CNTNAP2: variants seen among roughly 807,000 people sequenced by gnomAD.
CNTNAP2 encodes the protein contactin-associated protein-like 2.
A neutral mutation model predicts 155.2 loss-of-function variants in CNTNAP2; 98 were observed. The observed-to-expected ratio is 0.63, with a 90% confidence interval of 0.54 to 0.75. CNTNAP2 has a LOEUF of 0.75. Among genes scored for constraint, CNTNAP2 ranks in the 30% least tolerant of loss-of-function variants. The probability of loss-of-function intolerance (pLI) is 0.00; values close to 1 mark genes in which losing one functional copy is unlikely to be tolerated. For synonymous variants in CNTNAP2, 651 were observed against 631.2 expected (o/e 1.03, Z -0.47); for missense variants, 1,727 against 1,688.1 (o/e 1.02, Z -0.40).
At chr7:148,198,035 G>A (rs1031464081) in intron 18 of CNTNAP2, among the ~76,000 whole-genome samples, 9 of 152,134 alleles carry the variant, frequency 5.9e-5, no homozygotes, top group African/African-American at 2.2e-4. Context: ...TTCCCTGCGC[G>A]AATCTCAACA....
intron 15 of CNTNAP2, among the ~76,000 whole-genome samples, chr7:148,110,719 G>A (rs1399265983): frequency 2.0e-5 from 3 of 152,142 alleles, no homozygotes; most frequent in Admixed American, 6.6e-5. Context: ...ATGGCGGAAC[G>A]TCTATGTGAG....
chr7:146,275,553 A>G (rs1800150399), intron 1 of CNTNAP2, among the ~76,000 whole-genome samples: 1 of 152,210 alleles, frequency 6.6e-6, no homozygotes, highest in African/African-American at 2.4e-5. Flanking sequence ...AAAGCTGAAG[A>G]TCAAAGTAAA....
intron 11 of CNTNAP2, among the ~76,000 whole-genome samples, chr7:147,520,617 T>TTG (rs1051720210): frequency 1.3e-5 from 2 of 152,154 alleles, no homozygotes; most frequent in African/African-American, 4.8e-5. Context: ...AGGTCTGCAT[T>TTG]TGGTGTCTGT....
chr7:147,863,776 TG>T (rs918591869), intron 13 of CNTNAP2, among the ~76,000 whole-genome samples: 7 of 151,512 alleles, frequency 4.6e-5, no homozygotes, highest in African/African-American at 1.5e-4. Flanking sequence ...TTGATGGGGT[TG>T]TTTTTTTTCT....
At chr7:146,584,072 G>T (rs1342917261) in intron 1 of CNTNAP2, among the ~76,000 whole-genome samples, 1 of 152,052 alleles carries the variant, frequency 6.6e-6, no homozygotes, top group South Asian at 2.1e-4. Flanking sequence ...ATTTCTTCAA[G>T]ACAAAATATT....
At chr7:146,419,673 A>G (rs1442705740) in intron 1 of CNTNAP2, among the ~76,000 whole-genome samples, 1 of 152,162 alleles carries the variant, frequency 6.6e-6, no homozygotes, top group East Asian at 1.9e-4. Context: ...GGTGCTTAAC[A>G]ACATTCTTCA....
intron 1 of CNTNAP2, chr7:146,311,623 A>C (rs191544107): frequency 6.7e-6 from 1 of 149,686 alleles, no homozygotes; most frequent in African/African-American, 2.4e-5. Flanking sequence ...AAAAAAAAAA[A>C]AAAAAGAAAG....
At chr7:147,117,092 T>C (rs1284870665) in intron 5 of CNTNAP2, among the ~76,000 whole-genome samples, 3 of 152,160 alleles carry the variant, frequency 2.0e-5, no homozygotes, top group African/African-American at 7.2e-5. Flanking sequence ...CACAGAACAA[T>C]GCCATTCGGC....
chr7:146,288,077 G>A lies in CNTNAP2; in HGVS notation c.97+171104G>A, dbSNP rs535975269. ...CACCCATAATTCCAGGATTTTGGGA[G>A]GCCTAGGTGGAGGATTGCTTAAGAC... is the stretch of plus-strand genomic sequence containing the variant. On this transcript the variant is annotated intron_variant, in intron 1 of 23. Transcript: ENST00000361727. Among the ~76,000 whole-genome samples, 307 of 152,044 alleles carry A rather than the reference G, an allele frequency of 2.0e-3. 2 individuals are homozygous for A. Among genetic ancestry groups the A allele is most frequent in the African/African-American group, 6.9e-3 (288 of 41,514 alleles).
Position 147,852,035 on chromosome 7 carries a change from A to G in CNTNAP2, c.2099-51530A>G, listed in dbSNP as rs866657613. On this transcript the variant is annotated intron_variant, in intron 13 of 23. Coordinates refer to ENST00000361727, the MANE Select transcript of CNTNAP2 (RefSeq NM_014141.6). ...CTACTTATCCTGGGTCCCAAAATAT[A>G]GTTGCTTGAAAAAGTCTATATTGCG... Among the ~76,000 whole-genome samples, 3 of 152,260 alleles carry G rather than the reference A, an allele frequency of 2.0e-5. No individual in the cohort carries two copies. The South Asian group carries it at 6.2e-4, about 32-fold the overall frequency.
intron 15 of CNTNAP2, among the ~76,000 whole-genome samples, chr7:148,052,491 T>G (rs1346808059): frequency 2.0e-5 from 3 of 151,880 alleles, no homozygotes; most frequent in African/African-American, 7.3e-5. Flanking sequence ...AAGCAGAAAA[T>G]GGTGAGGCAT....
At chr7:148,042,869 C>T (rs1802704759) in intron 15 of CNTNAP2, among the ~76,000 whole-genome samples, 1 of 152,172 alleles carries the variant, frequency 6.6e-6, no homozygotes, top group Non-Finnish European at 1.5e-5. Flanking sequence ...AAGCAGGAAG[C>T]CATGAATGAC....
intron 13 of CNTNAP2, among the ~76,000 whole-genome samples, chr7:147,697,442 C>G (rs369424275): frequency 6.6e-6 from 1 of 151,826 alleles, no homozygotes; most frequent in African/African-American, 2.4e-5. Flanking sequence ...ATTAATGCAG[C>G]GATAAGTCAT....
chr7:146,970,326 C>G (rs144410612), intron 3 of CNTNAP2, among the ~76,000 whole-genome samples: 113 of 151,328 alleles, frequency 7.5e-4, no homozygotes, highest in African/African-American at 2.4e-3. Flanking sequence ...CAAAGGGCTA[C>G]TATCCAGAAT....
chr7:147,646,857 T>C (rs539766353), intron 13 of CNTNAP2, among the ~76,000 whole-genome samples: 8 of 152,304 alleles, frequency 5.3e-5, no homozygotes, highest in Admixed American at 1.3e-4. Flanking sequence ...CGTGGACTTA[T>C]TGAATAGTTG....
At chr7:146,743,561 G>A (rs947954451) in intron 1 of CNTNAP2, among the ~76,000 whole-genome samples, 2 of 149,844 alleles carry the variant, frequency 1.3e-5, no homozygotes, top group Non-Finnish European at 2.9e-5. Flanking sequence ...ATGCACTCCT[G>A]CCTATGCAGT....
At chr7:146,940,891 C>T (rs1404353534) in intron 3 of CNTNAP2, among the ~76,000 whole-genome samples, 1 of 151,918 alleles carries the variant, frequency 6.6e-6, no homozygotes, top group Non-Finnish European at 1.5e-5. Flanking sequence ...CTAAATGGGC[C>T]ACTTTCTAAT....
chr7:146,702,841 A>G (rs1458060843), intron 1 of CNTNAP2, among the ~76,000 whole-genome samples: 1 of 152,168 alleles, frequency 6.6e-6, no homozygotes, highest in African/African-American at 2.4e-5. Context: ...AACATGTTAA[A>G]GATCATATAT....
At chr7:146,353,056 G>A (rs919278945) in intron 1 of CNTNAP2, among the ~76,000 whole-genome samples, 1 of 151,880 alleles carries the variant, frequency 6.6e-6, no homozygotes, top group African/African-American at 2.4e-5. Context: ...GCCCGGCCAG[G>A]GGATGTCTTA....
Sources: allele counts gnomAD v4.1 joint callset (sites outside exome capture counted in the v4.1 genomes callset), GRCh38; gene constraint gnomAD v4.1.1; transcripts MANE v1.5; gene names NCBI Gene and HGNC (gene_info 2026-07-23, HGNC 2026-07-21).